Variants in STXBP3 observed in about 807,000 individuals in gnomAD.
STXBP3 encodes syntaxin binding protein 3.
A neutral mutation model predicts 85.7 loss-of-function variants in STXBP3; 41 were observed. That is an observed-to-expected ratio of 0.48 (90% confidence interval 0.37 to 0.62). The LOEUF (loss-of-function observed/expected upper bound fraction) is 0.62, where lower values mean the gene tolerates loss of function less well. Among genes scored for constraint, STXBP3 ranks in the 20% least tolerant of loss-of-function variants. The pLI is 0.00. For synonymous variants in STXBP3, 229 were observed against 231.7 expected (o/e 0.99, Z 0.10); for missense variants, 563 against 703.1 (o/e 0.80, Z 2.25).
intron 13 of STXBP3, among the ~76,000 whole-genome samples, chr1:108,795,839 C>T (rs1425388428): frequency 3.3e-5 from 5 of 152,096 alleles, no homozygotes; most frequent in Non-Finnish European, 5.9e-5. Flanking sequence ...TAAAATTTGA[C>T]AAGATTTAAT....
intron 6 of STXBP3, among the ~76,000 whole-genome samples, chr1:108,761,247 A>C (rs1662135959): frequency 6.6e-6 from 1 of 152,186 alleles, no homozygotes; most frequent in Non-Finnish European, 1.5e-5. Flanking sequence ...AATCCAAATT[A>C]TAAGATTTTA....
chr1:108,782,717 T>A lies in STXBP3; in HGVS notation c.963+11T>A, dbSNP rs775362035. 6.3e-7 allele frequency: 1 copy of A among 1,585,000 alleles called. No homozygotes were observed. The highest frequency in any genetic ancestry group is 1.4e-5 in the African/African-American group (1 of 73,396). On this transcript the variant is annotated intron_variant, in intron 11 of 18. Transcript: ENST00000370008. ...GCAACAGAAGGAAAGGTAAGAGTCT[T>A]ACTTAACTTTCAAAGTAATAGTGAA...
chr1:108,804,259 A>C (rs1330707161), intron 17 of STXBP3, among the ~76,000 whole-genome samples: 1 of 151,898 alleles, frequency 6.6e-6, no homozygotes, highest in Non-Finnish European at 1.5e-5. Context: ...TTTAGTTTTC[A>C]GTTCTTTAGG....
chr1:108,799,755 C>A (rs763637607), intron 16 of STXBP3, among the ~76,000 whole-genome samples: 30 of 151,894 alleles, frequency 2.0e-4, no homozygotes, highest in Non-Finnish European at 4.3e-4. Context: ...TATATACATA[C>A]ATATATCATA....
intron 3 of STXBP3, among the ~76,000 whole-genome samples, chr1:108,754,156 C>T (rs772524125): frequency 2.6e-5 from 4 of 151,548 alleles, no homozygotes; most frequent in South Asian, 2.1e-4. Context: ...TCTCAGTCTC[C>T]GAAGTAGCTG....
intron 13 of STXBP3, 74 bp downstream of exon 13, chr1:108,794,981 T>C: frequency 7.4e-7 from 1 of 1,346,072 alleles, no homozygotes; most frequent in Non-Finnish European, 1.0e-6. Context: ...AAACCTAACT[T>C]TTTGCTTGAT....
chr1:108,750,588 T>C (rs1661879036), intron 1 of STXBP3, among the ~76,000 whole-genome samples: 1 of 152,188 alleles, frequency 6.6e-6, no homozygotes, highest in African/African-American at 2.4e-5. Context: ...CAACCAGTTC[T>C]CCAACTCTGG....
intron 17 of STXBP3, among the ~76,000 whole-genome samples, 167 bp from the exon 18 acceptor site, chr1:108,807,234 G>C (rs1185432837): frequency 6.8e-6 from 1 of 146,312 alleles, no homozygotes; most frequent in Admixed American, 7.1e-5. Flanking sequence ...GTCCAGCCTG[G>C]GCTACAAAGT....
At chr1:108,783,450 A>G (rs1282195578) in intron 11 of STXBP3, among the ~76,000 whole-genome samples, 1 of 152,188 alleles carries the variant, frequency 6.6e-6, no homozygotes. Context: ...GTGTTCTTGA[A>G]CTTCACATAA....
At chr1:108,799,506 C>T (rs1292846382) in intron 16 of STXBP3, among the ~76,000 whole-genome samples, 1 of 152,088 alleles carries the variant, frequency 6.6e-6, no homozygotes, top group Non-Finnish European at 1.5e-5. Context: ...TCTCCTGAAA[C>T]TTGATTTCCT....
intron 4 of STXBP3, 74 bp from the exon 5 acceptor site, chr1:108,758,436 T>C: frequency 2.7e-6 from 2 of 730,064 alleles, no homozygotes; most frequent in South Asian, 5.2e-5. Flanking sequence ...TAAAATAATC[T>C]TAGTCATTTC....
At chr1:108,774,607 G>A (rs143033966) in intron 7 of STXBP3, among the ~76,000 whole-genome samples, 21 of 147,426 alleles carry the variant, frequency 1.4e-4, no homozygotes, top group African/African-American at 5.2e-4. Context: ...CATACCTTGG[G>A]TATTAGAAAC....
chr1:108,787,421 C>T (rs1176121034), intron 11 of STXBP3, among the ~76,000 whole-genome samples: 1 of 152,182 alleles, frequency 6.6e-6, no homozygotes, highest in Non-Finnish European at 1.5e-5. Context: ...CCTTATCCCT[C>T]TTTTCCACTT....
Position 108,746,716 on chromosome 1 carries a change from G to A in STXBP3, c.-22G>A. 2 of 1,548,410 alleles carry A rather than the reference G, an allele frequency of 1.3e-6. No individual in the cohort carries two copies. Among genetic ancestry groups the A allele is most frequent in the South Asian group, 1.2e-5 (1 of 83,994 alleles). ...AGGTTGGGAGTGGAAGGTGGTGGCT[G>A]CTGCTCCGCAGTGTCGGGAAGATGG... On this transcript the variant is annotated 5_prime_UTR_variant, in exon 1 of 19. Transcript: ENST00000370008.
intron 6 of STXBP3, among the ~76,000 whole-genome samples, chr1:108,766,130 A>C (rs1662259918): frequency 6.6e-6 from 1 of 152,008 alleles, no homozygotes; most frequent in African/African-American, 2.4e-5. Context: ...CTGGGGTTAC[A>C]GTTACAAGCC....
At chr1:108,782,343 A>G (rs1662732855) in intron 9 of STXBP3, 79 bp from the exon 10 acceptor site, 2 of 1,112,082 alleles carry the variant, frequency 1.8e-6, no homozygotes, top group Admixed American at 4.8e-5. Flanking sequence ...GTGTCTTGAA[A>G]TTATTGTTTG....
At chr1:108,782,847 G>A in intron 11 of STXBP3, 141 bp downstream of exon 11, 1 of 644,754 alleles carries the variant, frequency 1.6e-6, no homozygotes, top group Non-Finnish European at 2.6e-6. Context: ...CGTACCCATT[G>A]CCTAGTTTCA....
At chr1:108,791,731 T>A (rs1662979774) in intron 11 of STXBP3, among the ~76,000 whole-genome samples, 2 of 152,152 alleles carry the variant, frequency 1.3e-5, no homozygotes, top group South Asian at 2.1e-4. Context: ...CACTCTCATA[T>A]AACCACTACC....
chr1:108,768,446 A>G (rs1662315666), intron 6 of STXBP3, among the ~76,000 whole-genome samples: 1 of 152,182 alleles, frequency 6.6e-6, no homozygotes, highest in South Asian at 2.1e-4. Context: ...TATTTGAAGA[A>G]TGGATGTATT....
Sources: gnomAD v4.1 joint callset for allele counts (sites outside exome capture counted in the v4.1 genomes callset) on GRCh38, gnomAD v4.1.1 for gene constraint, MANE v1.5 for transcripts, NCBI Gene and HGNC (gene_info 2026-07-23, HGNC 2026-07-21) for gene names.